CACNA2D3: variants seen among roughly 807,000 people sequenced by gnomAD.
The protein encoded by CACNA2D3 is voltage-dependent calcium channel subunit alpha-2/delta-3.
A neutral mutation model predicts 160.6 loss-of-function variants in CACNA2D3; 60 were observed. That is an observed-to-expected ratio of 0.37 (90% CI 0.30 to 0.46). The LOEUF (loss-of-function observed/expected upper bound fraction) is 0.46. Among genes scored for constraint, CACNA2D3 ranks in the 20% least tolerant of loss-of-function variants. CACNA2D3 has a pLI of 1.00. For synonymous variants in CACNA2D3, 558 were observed against 492.9 expected, an observed-to-expected ratio of 1.13 and a Z score of -1.75; for missense variants, 1,205 against 1,365.0, an observed-to-expected ratio of 0.88 and a Z score of 1.85.
intron 6 of CACNA2D3, among the ~76,000 whole-genome samples, chr3:54,566,508 G>A (rs1474483893): frequency 2.0e-5 from 3 of 152,130 alleles, no homozygotes; most frequent in African/African-American, 7.2e-5. Flanking sequence ...TATTCTTCCT[G>A]TTCTGGCCAA....
At chr3:54,424,700 C>T (rs1201340849) in intron 4 of CACNA2D3, among the ~76,000 whole-genome samples, 1 of 152,164 alleles carries the variant, frequency 6.6e-6, no homozygotes, top group Non-Finnish European at 1.5e-5. Context: ...CTGTGGTCCA[C>T]TGCACTTAGA....
At chr3:54,405,695 A>C (rs997493946) in intron 4 of CACNA2D3, among the ~76,000 whole-genome samples, 1 of 152,192 alleles carries the variant, frequency 6.6e-6, no homozygotes, top group African/African-American at 2.4e-5. Context: ...AGCTCAGGCT[A>C]CAAAAGCAAA....
chr3:54,472,001 A>G (rs1364512717), intron 4 of CACNA2D3, among the ~76,000 whole-genome samples: 2 of 152,120 alleles, frequency 1.3e-5, no homozygotes, highest in Admixed American at 6.6e-5. Context: ...CTTCTGAAAT[A>G]ACTCCAAATG....
rs112178127 is a variant in CACNA2D3 at position 54,886,120 on chromosome 3, C to T, written c.2056+534C>T. On this transcript the variant is annotated intron_variant, in intron 23 of 37. Coordinates refer to ENST00000474759, the MANE Select transcript of CACNA2D3 (RefSeq NM_018398.3). ...GGTGCAAAAGAGGGAAGAGCAGTGG[C>T]AGCCCTGGATGTCCCTCAAAAGCAG... Among the ~76,000 whole-genome samples the T allele has an allele frequency of 3.1e-3, 471 of 151,460 alleles. 4 individuals carry two copies. Among genetic ancestry groups the T allele is most frequent in the African/African-American group, 0.011 (455 of 41,156 alleles).
intron 2 of CACNA2D3, among the ~76,000 whole-genome samples, chr3:54,239,942 A>C (rs2107406106): frequency 6.6e-6 from 1 of 152,346 alleles, no homozygotes; most frequent in African/African-American, 2.4e-5. Flanking sequence ...ACACTTGGTA[A>C]AGTCTTGCTA....
intron 27 of CACNA2D3, among the ~76,000 whole-genome samples, chr3:54,914,315 C>G (rs753423978): frequency 3.9e-5 from 6 of 152,156 alleles, no homozygotes; most frequent in Non-Finnish European, 5.9e-5. Flanking sequence ...CTGGGCTCAG[C>G]AGATAACTTT....
chr3:54,637,414 T>C (rs533826704), intron 10 of CACNA2D3, among the ~76,000 whole-genome samples: 33 of 151,934 alleles, frequency 2.2e-4, no homozygotes, highest in Admixed American at 1.3e-4. Context: ...ATAGCTGTAG[T>C]CCAGGAATAG....
intron 2 of CACNA2D3, among the ~76,000 whole-genome samples, chr3:54,241,981 C>T (rs1163916494): frequency 6.6e-6 from 1 of 152,188 alleles, no homozygotes; most frequent in Non-Finnish European, 1.5e-5. Context: ...AAAGGGAATA[C>T]ATTCCAGGGC....
At chr3:54,845,192 C>T (rs1427145205) in intron 16 of CACNA2D3, among the ~76,000 whole-genome samples, 1 of 152,202 alleles carries the variant, frequency 6.6e-6, no homozygotes, top group African/African-American at 2.4e-5. Context: ...CCTTGACTAC[C>T]ATGTGCATAT....
chr3:54,342,704 C>T (rs1698379738), intron 3 of CACNA2D3, among the ~76,000 whole-genome samples: 1 of 152,186 alleles, frequency 6.6e-6, no homozygotes, highest in Admixed American at 6.5e-5. Context: ...TCCTGAGTTT[C>T]AGGAGATAAA....
chr3:54,938,779 G>A (rs1208602118), intron 27 of CACNA2D3, among the ~76,000 whole-genome samples: 1 of 152,118 alleles, frequency 6.6e-6, no homozygotes, highest in African/African-American at 2.4e-5. Flanking sequence ...AAGTTGTTGT[G>A]GTCTGTGCAT....
intron 2 of CACNA2D3, among the ~76,000 whole-genome samples, chr3:54,235,769 G>A (rs4399921): frequency 0.52 from 78,501 of 151,720 alleles, 20,485 homozygotes; most frequent in South Asian, 0.56. Flanking sequence ...AAATAGGGGG[G>A]CAGCAGACAA....
chr3:54,814,758 C>T (rs1309513508), intron 13 of CACNA2D3, among the ~76,000 whole-genome samples: 1 of 152,142 alleles, frequency 6.6e-6, no homozygotes, highest in African/African-American at 2.4e-5. Context: ...GATTTCTTCC[C>T]ATATGCTTAA....
chr3:54,618,265 A>G (rs1013980581), intron 9 of CACNA2D3, among the ~76,000 whole-genome samples: 3 of 151,120 alleles, frequency 2.0e-5, no homozygotes, highest in East Asian at 3.9e-4. Flanking sequence ...GATGTTTACT[A>G]TAGTAATGTT....
chr3:54,616,699 A>G (rs1698857806), intron 9 of CACNA2D3, among the ~76,000 whole-genome samples: 1 of 152,248 alleles, frequency 6.6e-6, no homozygotes, highest in Admixed American at 6.5e-5. Context: ...ATTTTCTAAT[A>G]TAAAAAGTTT....
chr3:55,027,638 A>G (rs890375871), intron 35 of CACNA2D3, among the ~76,000 whole-genome samples: 15 of 152,216 alleles, frequency 9.9e-5, no homozygotes, highest in African/African-American at 3.6e-4. Flanking sequence ...CTTTGTAGGT[A>G]ACTTCAGGTC....
intron 17 of CACNA2D3, among the ~76,000 whole-genome samples, chr3:54,861,653 C>T (rs1234616228): frequency 6.6e-6 from 1 of 152,204 alleles, no homozygotes; most frequent in Non-Finnish European, 1.5e-5. Context: ...TGCTTGTTAT[C>T]AAGGGCAGAG....
At chr3:54,426,653 G>A (rs1699916261) in intron 4 of CACNA2D3, among the ~76,000 whole-genome samples, 1 of 152,216 alleles carries the variant, frequency 6.6e-6, no homozygotes, top group African/African-American at 2.4e-5. Context: ...AGTGAAATCA[G>A]TTGAGCAGTG....
chr3:55,074,404 C>CAACCA lies in CACNA2D3; in HGVS notation c.*198_*199insAACCA. On this transcript the variant is annotated 3_prime_UTR_variant, in exon 38 of 38. Coordinates refer to ENST00000474759, the MANE Select transcript of CACNA2D3 (RefSeq NM_018398.3). ...CAAAAAGTTATCTATCATCTTTTTA[C>CAACCA]TTTGCCAGTCATGCAAATGTGAGTT... 1.7e-6 allele frequency: 1 copy of CAACCA among 571,574 alleles called. No individual in the cohort carries two copies. The highest frequency in any genetic ancestry group is 3.2e-5 in the Admixed American group (1 of 31,330). The allele number at this position is 571,574 out of a possible 1,614,324, so 35.4% of individuals were successfully genotyped here. A position where few individuals can be genotyped will look rare whatever the true frequency, so the allele number is the denominator to read the frequency against.
Sources: gnomAD v4.1 joint callset for allele counts (sites outside exome capture counted in the v4.1 genomes callset) on GRCh38, gnomAD v4.1.1 for gene constraint, MANE v1.5 for transcripts, NCBI Gene and HGNC (gene_info 2026-07-23, HGNC 2026-07-21) for gene names.